HTR1F: variants seen among roughly 807,000 people sequenced by gnomAD.
HTR1F encodes the protein 5-hydroxytryptamine receptor 1F, also known as 5-hydroxytryptamine (serotonin) receptor 1F, G protein-coupled.
Under a neutral mutation model 24.0 loss-of-function variants are expected in HTR1F, and 17 were observed. That is an observed-to-expected ratio of 0.71 (90% CI 0.48 to 1.06). HTR1F has a LOEUF of 1.06. Among genes scored for constraint, HTR1F ranks in the 50% least tolerant of loss-of-function variants. The pLI is 0.00. For missense variants in HTR1F, 391 were observed against 427.8 expected (o/e 0.91, Z 0.76); for synonymous variants, 186 against 156.8 (o/e 1.19, Z -1.39).
At chr3:87,882,564 G>A (rs1306744154) in intron 2 of HTR1F, among the ~76,000 whole-genome samples, 1 of 152,008 alleles carries the variant, frequency 6.6e-6, no homozygotes, top group Admixed American at 6.6e-5. Context: ...GTAGGGACAT[G>A]GATGAAATTG....
intron 2 of HTR1F, among the ~76,000 whole-genome samples, chr3:87,937,083 C>CCAAA (rs528673029): frequency 1.8e-5 from 2 of 113,916 alleles, no homozygotes. Context: ...TGAAACTACC[C>CCAAA]AAAAAAAAAA....
In HTR1F at chr3:87,946,515, T is replaced by C. The variant is rs72915637; in HGVS notation, c.-42-44193T>C. 4.6e-3 allele frequency among the ~76,000 whole-genome samples: 688 copies of C among 148,336 alleles called. 1 individual carries two copies. Among genetic ancestry groups the C allele is most frequent in the African/African-American group, 0.017 (667 of 39,564 alleles). On this transcript the variant is annotated intron_variant, in intron 2 of 2. Transcript: ENST00000319595. Reference sequence around the variant, plus strand: ...AACAAATACAAATTTTTCTAACTTTTCTAAAATCAAATGCTTATCTACACT... The same window carrying C: ...AACAAATACAAATTTTTCTAACTTTCCTAAAATCAAATGCTTATCTACACT...
chr3:87,823,779 G>T (rs899542921), intron 2 of HTR1F, among the ~76,000 whole-genome samples: 2 of 151,984 alleles, frequency 1.3e-5, no homozygotes, highest in Non-Finnish European at 2.9e-5. Flanking sequence ...ACAAAAACAG[G>T]CCAGGCACAG....
rs573106557 is a variant in HTR1F, at chr3:87,873,773, T to C, written c.-43+51649T>C. 2.0e-5 allele frequency among the ~76,000 whole-genome samples: 3 copies of C among 152,210 alleles called. No individual in the cohort carries two copies. In the East Asian group the frequency reaches 5.8e-4, roughly 29 times the overall value. On this transcript the variant is annotated intron_variant, in intron 2 of 2. Transcript: ENST00000319595. The stretch of plus-strand genomic sequence containing the variant: ...TCCTAAAATGCAAGCATGGCTCAAC[T>C]TACAAAAATCAATCAATGTGATACA...
chr3:87,929,199 C>A (rs1704199860), intron 2 of HTR1F, among the ~76,000 whole-genome samples: 1 of 152,066 alleles, frequency 6.6e-6, no homozygotes, highest in Non-Finnish European at 1.5e-5. Flanking sequence ...TAAAAGTAAC[C>A]AACAGCCAAG....
rs560742288 is a variant in HTR1F at position 87,834,202 on chromosome 3, T to C, written c.-43+12078T>C. ...TCACTATACTATACATGCAATGTGA[T>C]TGGATCTCTAATTCAGAATTGTAAG... is the stretch of plus-strand genomic sequence containing the variant. On this transcript the variant is annotated intron_variant, in intron 2 of 2. Coordinates refer to ENST00000319595, the MANE Select transcript of HTR1F (RefSeq NM_001322209.2). 6.4e-4 allele frequency among the ~76,000 whole-genome samples: 97 copies of C among 152,318 alleles called. No individual in the cohort carries two copies. In the South Asian group the frequency reaches 6.4e-3, roughly 10 times the overall value.
chr3:87,899,957 C>T (rs1706285793), intron 2 of HTR1F, among the ~76,000 whole-genome samples: 1 of 151,872 alleles, frequency 6.6e-6, no homozygotes, highest in African/African-American at 2.4e-5. Context: ...TCTACATAGG[C>T]TCTACACATG....
rs1703682094 is a variant in HTR1F, at chr3:87,907,034, T to TC, written c.-42-83670dup. ...TCTTTTTTTATATAATGACTTCTTT[T>TC]CCCCTGGGTAGATACCTAGGAGTGG... On this transcript the variant is annotated intron_variant, in intron 2 of 2. Coordinates refer to ENST00000319595, the MANE Select transcript of HTR1F (RefSeq NM_001322209.2). Among the ~76,000 whole-genome samples the TC allele has an allele frequency of 5.3e-5, 8 of 152,150 alleles. 1 individual carries two copies. The South Asian group carries it at 1.7e-3, about 32-fold the overall frequency.
intron 2 of HTR1F, among the ~76,000 whole-genome samples, chr3:87,847,385 A>T (rs1458842306): frequency 2.0e-5 from 3 of 151,836 alleles, no homozygotes; most frequent in Non-Finnish European, 4.4e-5. Context: ...AAAATTTTAT[A>T]TATCTATATT....
intron 2 of HTR1F, among the ~76,000 whole-genome samples, chr3:87,889,677 T>A (rs1029841524): frequency 1.3e-5 from 2 of 152,294 alleles, no homozygotes; most frequent in African/African-American, 4.8e-5. Flanking sequence ...AATTTGATTT[T>A]TTTTTGTTTC....
intron 2 of HTR1F, among the ~76,000 whole-genome samples, chr3:87,824,403 G>C (rs1437834901): frequency 6.6e-6 from 1 of 152,138 alleles, no homozygotes; most frequent in Non-Finnish European, 1.5e-5. Context: ...TTTCAAGCTT[G>C]TTTATGTAAA....
intron 2 of HTR1F, among the ~76,000 whole-genome samples, chr3:87,943,050 T>G (rs2107443724): frequency 6.6e-6 from 1 of 152,328 alleles, no homozygotes; most frequent in African/African-American, 2.4e-5. Flanking sequence ...CATAGGCTTC[T>G]TCCTAGTTTT....
chr3:87,930,323 G>C (rs1372767637), intron 2 of HTR1F, among the ~76,000 whole-genome samples: 1 of 152,124 alleles, frequency 6.6e-6, no homozygotes, highest in Non-Finnish European at 1.5e-5. Context: ...ATACTATGTT[G>C]AATATGAGTG....
chr3:87,918,287 G>A (rs1436219633), intron 2 of HTR1F, among the ~76,000 whole-genome samples: 1 of 151,912 alleles, frequency 6.6e-6, no homozygotes, highest in Non-Finnish European at 1.5e-5. Flanking sequence ...AAAAATGAAA[G>A]CATTCCCTCT....
rs533789355 is a variant in HTR1F at position 87,951,174 on chromosome 3, T to A, written c.-42-39534T>A. ...AGTGCAAGTGGATTCAGGTTATACA[T>A]GATCTCTGTGATTTCAGACTGTAAG... is the stretch of plus-strand genomic sequence containing the variant. On this transcript the variant is annotated intron_variant, in intron 2 of 2. Transcript: ENST00000319595. Among the ~76,000 whole-genome samples the A allele has an allele frequency of 3.3e-5, 5 of 152,296 alleles. No individual in the cohort carries two copies. In the South Asian group the frequency reaches 1.0e-3, roughly 32 times the overall value.
chr3:87,947,452 CT>C (rs979894848), intron 2 of HTR1F, among the ~76,000 whole-genome samples: 1 of 151,918 alleles, frequency 6.6e-6, no homozygotes, highest in South Asian at 2.1e-4. Flanking sequence ...TGATAATTTC[CT>C]TTTTTTAATG....
chr3:87,937,878 C>G (rs1479128119), intron 2 of HTR1F, among the ~76,000 whole-genome samples: 1 of 149,100 alleles, frequency 6.7e-6, no homozygotes, highest in Admixed American at 6.7e-5. Flanking sequence ...GAGCCGAGAT[C>G]GTGCCACTGC....
chr3:87,921,149 C>A (rs974813354), intron 2 of HTR1F, among the ~76,000 whole-genome samples: 2 of 151,904 alleles, frequency 1.3e-5, no homozygotes, highest in Non-Finnish European at 2.9e-5. Context: ...GGGGGTGAAT[C>A]ATTAAAATTC....
At chr3:87,972,846 G>C (rs1297717820) in intron 2 of HTR1F, among the ~76,000 whole-genome samples, 1 of 135,684 alleles carries the variant, frequency 7.4e-6, no homozygotes, top group Non-Finnish European at 1.6e-5. Context: ...TTTTTGGCTA[G>C]AGTCTCATTG....
Sources: allele counts gnomAD v4.1 joint callset (sites outside exome capture counted in the v4.1 genomes callset), GRCh38; gene constraint gnomAD v4.1.1; transcripts MANE v1.5; gene names NCBI Gene and HGNC (gene_info 2026-07-23, HGNC 2026-07-21).